Variants in PLAT observed in about 807,000 individuals in gnomAD.
The protein encoded by PLAT is plasminogen activator, tissue type.
PLAT carries 48 observed loss-of-function variants against 74.9 expected under a neutral mutation model. The observed-to-expected ratio is 0.64, with a 90% CI of 0.51 to 0.82. The LOEUF is 0.82. PLAT is among the 40% of genes least tolerant of loss of function. PLAT has a pLI of 0.00. For synonymous variants in PLAT, 307 were observed against 294.4 expected (o/e 1.04, Z -0.44); for missense variants, 673 against 736.2 (o/e 0.91, Z 0.99).
At chr8:42,182,940 G>A (rs372842447) in intron 7 of PLAT, 50 bp from the exon 8 acceptor site, 47 of 1,474,184 alleles carry the variant, frequency 3.2e-5, no homozygotes, top group African/African-American at 1.3e-4. Flanking sequence ...TCTGAAGCAC[G>A]CAAGTCAGGG....
In PLAT at chr8:42,187,336, A is replaced by C. The variant is rs546633774; in HGVS notation, c.539+62T>G. 10 of 1,430,012 alleles carry C rather than the reference A, an allele frequency of 7.0e-6. No homozygotes were observed. In the Admixed American group the frequency reaches 2.0e-4, roughly 29 times the overall value. The allele number at this position is 1,430,012 out of a possible 1,614,324, so 88.6% of individuals were successfully genotyped here. On this transcript the variant is annotated intron_variant, in intron 6 of 13. Transcript: ENST00000220809. The stretch of plus-strand genomic sequence containing the variant: ...GGAGAACCCTGACGGATCTGACAGA[A>C]TCTTTCCCCAGCTGTAGCAGCTTCT...
intron 1 of PLAT, among the ~76,000 whole-genome samples, chr8:42,205,534 A>G (rs555169701): frequency 6.6e-6 from 1 of 152,210 alleles, no homozygotes; most frequent in Non-Finnish European, 1.5e-5. Context: ...CTCAAAAAAA[A>G]AAGTAGATTC....
chr8:42,202,583 A>G (rs1034665173), intron 1 of PLAT, among the ~76,000 whole-genome samples: 1 of 151,892 alleles, frequency 6.6e-6, no homozygotes, highest in African/African-American at 2.4e-5. Flanking sequence ...CCCATGCTAT[A>G]TATTCACCAT....
Position 42,187,980 on chromosome 8 carries a change from C to T in PLAT, c.290G>A (p.Cys97Tyr), listed in dbSNP as rs1159656257. The change falls in exon 5 of 14, where the codon TGC becomes TAC. Residue 97 changes from cysteine to tyrosine, a missense_variant. Physicochemically the swap from Cys to Tyr is radical, Grantham distance 194. Coordinates refer to ENST00000220809, the MANE Select transcript of PLAT (RefSeq NM_000930.5). ...ATCTGAGAAGTACAGGGCCTGCTGG[C>T]AGGTGCCCCCGTTGAAACACCTTGG... is the stretch of plus-strand genomic sequence containing the variant. Reference protein sequence around the residue: ...SEPRCFNGGTCQQALYFSDFV... With the variant: ...SEPRCFNGGTYQQALYFSDFV... The T allele has an allele frequency of 6.2e-7, 1 of 1,613,632 alleles. No homozygotes were observed. The highest frequency in any genetic ancestry group is 1.3e-5 in the African/African-American group (1 of 74,916).
chr8:42,203,990 TATACACAC>T (rs1790542350), intron 1 of PLAT, among the ~76,000 whole-genome samples: 1 of 121,104 alleles, frequency 8.3e-6, no homozygotes, highest in Admixed American at 7.6e-5. Flanking sequence ...TATATATATA[TATACACAC>T]ACACACACAC....
rs1243609576 is a variant in PLAT, at chr8:42,188,976, A to C, written c.211T>G (p.Cys71Gly). 1.2e-6 allele frequency: 2 copies of C among 1,613,976 alleles called. No homozygotes were observed. The highest frequency in any genetic ancestry group is 1.3e-5 in the African/African-American group (1 of 74,928). ...LRSNRVEYCWCNSGRAQCHSV... is the reference protein window; with the variant it reads ...LRSNRVEYCWGNSGRAQCHSV... Reference sequence around the variant, plus strand: ...TGGCACTGTGCCCTGCCACTGTTGCACCAGCAATATTCCACCCGGTTGCTT... The same window carrying C: ...TGGCACTGTGCCCTGCCACTGTTGCCCCAGCAATATTCCACCCGGTTGCTT... Residue 71 changes from cysteine to glycine, a missense_variant, in exon 4 of 14, where the codon TGC becomes GGC. Coordinates refer to ENST00000220809, the MANE Select transcript of PLAT (RefSeq NM_000930.5).
At chr8:42,176,929 T>G (rs1250851967) in intron 13 of PLAT, among the ~76,000 whole-genome samples, 4 of 152,220 alleles carry the variant, frequency 2.6e-5, no homozygotes, top group Non-Finnish European at 5.9e-5. Flanking sequence ...GATGTTTTTA[T>G]GACTAGAAAT....
Position 42,200,774 on chromosome 8 carries a change from C to T in PLAT, c.-27+6720G>A, listed in dbSNP as rs188571932. ...AAGCCCAGGAGACACAGTTCTCTTA[C>T]CCCAAATCTAACACTCTTTCCACTA... On this transcript the variant is annotated intron_variant, in intron 1 of 13. Coordinates refer to ENST00000220809, the MANE Select transcript of PLAT (RefSeq NM_000930.5). Among the ~76,000 whole-genome samples the T allele has an allele frequency of 2.6e-5, 4 of 151,622 alleles. No individual in the cohort carries two copies. The East Asian group carries it at 5.8e-4, about 22-fold the overall frequency.
chr8:42,207,132 C>G (rs8178677), intron 1 of PLAT, among the ~76,000 whole-genome samples: 4 of 152,124 alleles, frequency 2.6e-5, no homozygotes, highest in African/African-American at 9.7e-5. Context: ...CCAAGGCAGC[C>G]GATTTTGCTT....
At chr8:42,207,183 G>A (rs1035822106) in intron 1 of PLAT, among the ~76,000 whole-genome samples, 19 of 152,236 alleles carry the variant, frequency 1.2e-4, no homozygotes, top group Admixed American at 3.3e-4. Flanking sequence ...TAGGCTATTT[G>A]GGGCTTTTCT....
At chr8:42,183,017 G>A in intron 7 of PLAT, 127 bp from the exon 8 acceptor site, 1 of 660,580 alleles carries the variant, frequency 1.5e-6, no homozygotes, top group Non-Finnish European at 2.6e-6. Flanking sequence ...TGAGAAGAGT[G>A]TAACACCTCA....
chr8:42,187,571 A>G lies in PLAT; in HGVS notation c.366T>C (p.Asp122=), dbSNP rs2129746558. The G allele has an allele frequency of 6.3e-7, 1 of 1,591,732 alleles. No homozygotes were observed. Among genetic ancestry groups the G allele is most frequent in the East Asian group, 2.3e-5 (1 of 44,436 alleles). ...EGFAGKCCEI[D]TRATCYEDQG... is the part of the protein sequence containing the mutation. Reference sequence around the variant, plus strand: ...GGTCCTCGTAGCACGTGGCCCTGGTATCTGACAGAGAGCAGGGCATGGATG... The same window carrying G: ...GGTCCTCGTAGCACGTGGCCCTGGTGTCTGACAGAGAGCAGGGCATGGATG... Residue 122 remains aspartate, a splice_region_variant and synonymous_variant, in exon 6 of 14, where the codon GAT becomes GAC. Transcript: ENST00000220809.
chr8:42,206,873 G>A (rs1301967048), intron 1 of PLAT, among the ~76,000 whole-genome samples: 1 of 152,230 alleles, frequency 6.6e-6, no homozygotes, highest in African/African-American at 2.4e-5. Context: ...AAAAGCCAGA[G>A]GGCCAAACTG....
intron 1 of PLAT, among the ~76,000 whole-genome samples, chr8:42,205,377 A>C (rs1040796376): frequency 1.3e-5 from 2 of 152,180 alleles, no homozygotes; most frequent in Non-Finnish European, 2.9e-5. Flanking sequence ...AAATACAAAA[A>C]TTAACCAGGT....
At chr8:42,190,255 A>G (rs1805635179) in intron 3 of PLAT, among the ~76,000 whole-genome samples, 1 of 152,148 alleles carries the variant, frequency 6.6e-6, no homozygotes, top group African/African-American at 2.4e-5. Context: ...GTAATTCACC[A>G]AAAAATATAT....
At chr8:42,189,724 G>A (rs1467393373) in intron 3 of PLAT, among the ~76,000 whole-genome samples, 8 of 147,878 alleles carry the variant, frequency 5.4e-5, no homozygotes, top group Admixed American at 1.3e-4. Context: ...TCAGCCTCCC[G>A]AGTAGCTGGG....
At chr8:42,199,904 C>T (rs539768936) in intron 1 of PLAT, among the ~76,000 whole-genome samples, 1 of 152,318 alleles carries the variant, frequency 6.6e-6, no homozygotes, top group Admixed American at 6.5e-5. Context: ...ATGTTCCTTC[C>T]ACTCCCTAAA....
intron 1 of PLAT, among the ~76,000 whole-genome samples, chr8:42,194,563 G>A (rs1000628624): frequency 2.6e-5 from 4 of 152,278 alleles, no homozygotes; most frequent in South Asian, 2.1e-4. Context: ...AGACCACAGC[G>A]CTCTGGCTTG....
intron 1 of PLAT, among the ~76,000 whole-genome samples, chr8:42,202,167 G>A (rs1420787231): frequency 2.0e-5 from 3 of 151,482 alleles, no homozygotes; most frequent in Admixed American, 1.3e-4. Flanking sequence ...CTACAGGTGC[G>A]TGCCACCATG....
Sources: gnomAD v4.1 joint callset for allele counts (sites outside exome capture counted in the v4.1 genomes callset) on GRCh38, gnomAD v4.1.1 for gene constraint, MANE v1.5 for transcripts, NCBI Gene and HGNC (gene_info 2026-07-23, HGNC 2026-07-21) for gene names.